Variants in CNNM2 observed in about 807,000 individuals in gnomAD.
The protein encoded by CNNM2 is cyclin and CBS domain divalent metal cation transport mediator 2.
CNNM2 carries 12 observed loss-of-function variants against 66.9 expected under a neutral mutation model. The observed-to-expected ratio is 0.18, with a 90% CI of 0.11 to 0.29. CNNM2 has a LOEUF of 0.29. Among genes scored for constraint, CNNM2 ranks in the 10% least tolerant of loss-of-function variants. The pLI, the probability that CNNM2 is intolerant of heterozygous loss-of-function variation, is 1.00. For missense variants in CNNM2, 705 were observed against 1,167.7 expected, an observed-to-expected ratio of 0.60 and a Z score of 5.77; for synonymous variants, 557 against 501.8, an observed-to-expected ratio of 1.11 and a Z score of -1.47.
At position 102,999,895 on chromosome 10, in the gene CNNM2, G is replaced by A. The variant is rs2064083488; in HGVS notation, c.1622-49812G>A. 2.0e-5 allele frequency among the ~76,000 whole-genome samples: 3 copies of A among 152,286 alleles called. No homozygotes were observed. In the South Asian group the frequency reaches 6.2e-4, roughly 32 times the overall value. ...AAAAAACAGAACATAAGAAGTGTTG[G>A]CAAAGATGTGGGGAAATTGGAACCC... On this transcript the variant is annotated intron_variant, in intron 1 of 7. Transcript: ENST00000369878.
At chr10:102,950,599 C>T (rs952408563) in intron 1 of CNNM2, among the ~76,000 whole-genome samples, 1 of 151,810 alleles carries the variant, frequency 6.6e-6, no homozygotes. Flanking sequence ...CCCATCTTTA[C>T]AAAAATTAGC....
chr10:102,953,893 C>T (rs1479762434), intron 1 of CNNM2, among the ~76,000 whole-genome samples: 3 of 151,892 alleles, frequency 2.0e-5, no homozygotes, highest in Non-Finnish European at 2.9e-5. Context: ...TGACTATATG[C>T]GAGGTACTGT....
At chr10:102,947,925 C>T (rs1397456938) in intron 1 of CNNM2, among the ~76,000 whole-genome samples, 2 of 151,996 alleles carry the variant, frequency 1.3e-5, no homozygotes, top group African/African-American at 2.4e-5. Context: ...TGGTGGCAGG[C>T]ACCTGTAGTC....
At position 103,046,536 on chromosome 10, in the gene CNNM2, T is replaced by C. The variant is rs182023330; in HGVS notation, c.1622-3171T>C. Among the ~76,000 whole-genome samples the C allele has an allele frequency of 2.2e-3, 339 of 152,360 alleles. 1 individual carries two copies. The highest frequency in any genetic ancestry group is 3.3e-3 in the Admixed American group (50 of 15,302). ...TTGAGGATCCTTTTATTTATGTGGG[T>C]TCTATCTTTTGATATTTACTGTATT... On this transcript the variant is annotated intron_variant, in intron 1 of 7. Coordinates refer to ENST00000369878, the MANE Select transcript of CNNM2 (RefSeq NM_017649.5).
intron 6 of CNNM2, among the ~76,000 whole-genome samples, chr10:103,073,754 C>G (rs930513609): frequency 6.6e-6 from 1 of 150,756 alleles, no homozygotes; most frequent in Non-Finnish European, 1.5e-5. Context: ...CCCAGCTACT[C>G]GGGAGGCTGA....
At chr10:102,986,576 A>AT (rs1313955405) in intron 1 of CNNM2, among the ~76,000 whole-genome samples, 1 of 151,834 alleles carries the variant, frequency 6.6e-6, no homozygotes, top group Admixed American at 6.6e-5. Flanking sequence ...AGGTCAAGAG[A>AT]TTGAGACCAT....
Position 102,960,893 on chromosome 10 carries a change from C to T in CNNM2, c.1621+40792C>T, listed in dbSNP as rs549878252. 7.0e-5 allele frequency among the ~76,000 whole-genome samples: 9 copies of T among 129,232 alleles called. No homozygotes were observed. The South Asian group carries it at 7.4e-4, about 11-fold the overall frequency. The allele number at this position is 129,232 out of a possible 152,430, so 84.8% of individuals were successfully genotyped here. A position where few individuals can be genotyped will look rare whatever the true frequency, so the allele number is the denominator to read the frequency against. ...CTCCGCCTCCTGAGTTCAAGTGATT[C>T]TCTGTTTTTTTTTTTTTGAGACAGA... On this transcript the variant is annotated intron_variant, in intron 1 of 7. Coordinates refer to ENST00000369878, the MANE Select transcript of CNNM2 (RefSeq NM_017649.5).
At chr10:103,043,272 T>A (rs2065073424) in intron 1 of CNNM2, among the ~76,000 whole-genome samples, 1 of 152,234 alleles carries the variant, frequency 6.6e-6, no homozygotes, top group Admixed American at 6.5e-5. Flanking sequence ...TCTTGACTAC[T>A]CTGTGTCACT....
In CNNM2 at chr10:102,919,404, G is replaced by A; in HGVS notation, c.924G>A (p.Val308=). The A allele has an allele frequency of 6.2e-7, 1 of 1,611,668 alleles. No individual in the cohort carries two copies. The highest frequency in any genetic ancestry group is 8.5e-7 in the Non-Finnish European group (1 of 1,180,036). Residue 308 remains valine, a synonymous_variant, in exon 1 of 8, where the codon GTG becomes GTA. Transcript: ENST00000369878. The part of the protein sequence containing the change: ...EKNYAKRIEP[V]RRQGNYLLCS... ...ATTACGCCAAGCGCATCGAGCCGGT[G>A]CGCAGGCAGGGCAACTACCTGCTGT... is the stretch of plus-strand genomic sequence containing the variant.
At chr10:103,053,747 G>C (rs912550588) in intron 2 of CNNM2, among the ~76,000 whole-genome samples, 5 of 152,128 alleles carry the variant, frequency 3.3e-5, no homozygotes, top group Admixed American at 6.5e-5. Flanking sequence ...ATTCGTATCT[G>C]CTTGACCTTG....
intron 4 of CNNM2, among the ~76,000 whole-genome samples, chr10:103,062,958 G>A (rs561094639): frequency 6.6e-6 from 1 of 152,154 alleles, no homozygotes; most frequent in African/African-American, 2.4e-5. Flanking sequence ...GTAGGTCTGG[G>A]GTGGAGTCTG....
intron 1 of CNNM2, among the ~76,000 whole-genome samples, chr10:102,984,512 TAA>T (rs1429328133): frequency 4.6e-5 from 7 of 152,154 alleles, no homozygotes; most frequent in African/African-American, 1.4e-4. Context: ...TTCATGTGTA[TAA>T]GATTCTTGCA....
In CNNM2 at chr10:103,071,930, G is replaced by T; in HGVS notation, c.2233+91G>T. 5 of 1,090,908 alleles carry T rather than the reference G, an allele frequency of 4.6e-6. No individual in the cohort carries two copies. The South Asian group carries it at 6.2e-5, about 14-fold the overall frequency. 67.6% of individuals were successfully genotyped at this position (1,090,908 alleles called of 1,614,324 possible). Reference sequence around the variant, plus strand: ...CTGGCTGGGTCTGCTCCCTTTACCTGGACAGGCTGTTTTCAGTGTTCCTTG... The same window carrying T: ...CTGGCTGGGTCTGCTCCCTTTACCTTGACAGGCTGTTTTCAGTGTTCCTTG... On this transcript the variant is annotated intron_variant, in intron 6 of 7. Transcript: ENST00000369878.
At chr10:103,014,578 T>A (rs1309651775) in intron 1 of CNNM2, among the ~76,000 whole-genome samples, 1 of 152,220 alleles carries the variant, frequency 6.6e-6, no homozygotes, top group Non-Finnish European at 1.5e-5. Flanking sequence ...ATTAAAATTA[T>A]GATTTTTAAA....
chr10:103,066,604 C>T (rs1342341585), intron 4 of CNNM2, among the ~76,000 whole-genome samples: 5 of 152,388 alleles, frequency 3.3e-5, no homozygotes, highest in South Asian at 2.1e-4. Context: ...TGCCGCCACC[C>T]TGGGCCTCCC....
In CNNM2 at chr10:103,050,057, A is replaced by G. The variant is rs137968163; in HGVS notation, c.1765+207A>G. Reference sequence around the variant, plus strand: ...GTCAAGCGACAGCATTCTTCTGAACAGCCAGCTGCTTCTAACCACTGATGA... The same window carrying G: ...GTCAAGCGACAGCATTCTTCTGAACGGCCAGCTGCTTCTAACCACTGATGA... On this transcript the variant is annotated intron_variant, in intron 2 of 7. Coordinates refer to ENST00000369878, the MANE Select transcript of CNNM2 (RefSeq NM_017649.5). Among the ~76,000 whole-genome samples the G allele has an allele frequency of 1.2e-4, 18 of 152,360 alleles. No homozygotes were observed. The Middle Eastern group carries it at 0.01, about 86-fold the overall frequency.
intron 1 of CNNM2, among the ~76,000 whole-genome samples, chr10:103,028,814 C>CTTTTTTTTTTTTCTTTTTTTTTT (rs2064759605): frequency 7.9e-6 from 1 of 126,180 alleles, no homozygotes; most frequent in African/African-American, 3.0e-5. Flanking sequence ...TTTTCTTTTT[C>CTTTTTTTTTTTTCTTTTTTTTTT]TTTTTTTTTT....
intron 1 of CNNM2, among the ~76,000 whole-genome samples, chr10:103,029,748 C>T (rs1019207227): frequency 6.6e-6 from 1 of 151,906 alleles, no homozygotes; most frequent in African/African-American, 2.4e-5. Flanking sequence ...TGCCTGTAGT[C>T]CCAGCTACTA....
intron 1 of CNNM2, among the ~76,000 whole-genome samples, chr10:103,039,422 C>T (rs1032822391): frequency 6.6e-6 from 1 of 152,124 alleles, no homozygotes. Context: ...CAGGTGTGAC[C>T]GATTGCGCCT....
Sources: allele counts gnomAD v4.1 joint callset (sites outside exome capture counted in the v4.1 genomes callset), GRCh38; gene constraint gnomAD v4.1.1; transcripts MANE v1.5; gene names NCBI Gene and HGNC (gene_info 2026-07-23, HGNC 2026-07-21).